NALF1: variants seen among roughly 807,000 people sequenced by gnomAD.
The protein encoded by NALF1 is family with sequence similarity 155 member A.
Under a neutral mutation model 48.4 loss-of-function variants are expected in NALF1, and 3 were observed. The observed-to-expected ratio is 0.06, with a 90% CI of 0.03 to 0.16. The LOEUF (loss-of-function observed/expected upper bound fraction) is 0.16. Among genes scored for constraint, NALF1 ranks in the 10% least tolerant of loss-of-function variants. The pLI, the probability that NALF1 is intolerant of heterozygous loss-of-function variation, is 1.00. For synonymous variants in NALF1, 262 were observed against 245.7 expected, an observed-to-expected ratio of 1.07 and a Z score of -0.62; for missense variants, 526 against 571.5, an observed-to-expected ratio of 0.92 and a Z score of 0.81.
At chr13:107,202,522 G>A (rs1879542676) in intron 2 of NALF1, among the ~76,000 whole-genome samples, 1 of 151,988 alleles carries the variant, frequency 6.6e-6, no homozygotes. Context: ...TTATTTGTGT[G>A]TGTGTGTATT....
intron 1 of NALF1, among the ~76,000 whole-genome samples, chr13:107,514,421 ATATCTATC>A (rs34590190): frequency 0.038 from 5,679 of 148,734 alleles, 277 homozygotes; most frequent in African/African-American, 0.11. Flanking sequence ...AGCTTCTCCT[ATATCTATC>A]TATCTATCTA....
At chr13:107,692,623 G>T (rs142513912) in intron 1 of NALF1, among the ~76,000 whole-genome samples, 29 of 152,188 alleles carry the variant, frequency 1.9e-4, no homozygotes, top group Admixed American at 1.7e-3. Context: ...TTCTTCTGGG[G>T]TCTCAATCAT....
chr13:107,586,893 G>C (rs188055107), intron 1 of NALF1, among the ~76,000 whole-genome samples: 16 of 152,020 alleles, frequency 1.1e-4, no homozygotes, highest in African/African-American at 3.9e-4. Context: ...ATAAGGAATA[G>C]ATTAGAAATA....
intron 1 of NALF1, among the ~76,000 whole-genome samples, chr13:107,300,246 C>A (rs945516788): frequency 9.2e-5 from 14 of 152,238 alleles, no homozygotes; most frequent in African/African-American, 3.4e-4. Context: ...CTGTTCTGAT[C>A]ATTATTCCAG....
intron 1 of NALF1, among the ~76,000 whole-genome samples, chr13:107,561,905 T>G (rs1877659788): frequency 6.6e-6 from 1 of 152,240 alleles, no homozygotes; most frequent in Non-Finnish European, 1.5e-5. Flanking sequence ...CTTGCATTAT[T>G]TATTAATGGA....
chr13:107,313,080 A>G (rs1882078485), intron 1 of NALF1, among the ~76,000 whole-genome samples: 1 of 152,142 alleles, frequency 6.6e-6, no homozygotes, highest in South Asian at 2.1e-4. Context: ...TTTTTAAAAA[A>G]CAGAATACTT....
In NALF1 at chr13:107,197,027, C is replaced by T. The variant is rs376025842; in HGVS notation, c.1087+13557G>A. 1.6e-4 allele frequency among the ~76,000 whole-genome samples: 25 copies of T among 152,204 alleles called. 1 individual carries two copies. In the South Asian group the frequency reaches 5.2e-3, roughly 32 times the overall value. On this transcript the variant is annotated intron_variant, in intron 2 of 2. Coordinates refer to ENST00000375915, the MANE Select transcript of NALF1 (RefSeq NM_001080396.3). ...GGCCTTTGGAAGGGACTTAAGATCA[C>T]ATAAGGTCATCAGAGTGGGGCCCGC...
intron 1 of NALF1, among the ~76,000 whole-genome samples, chr13:107,864,717 T>C (rs9559178): frequency 0.088 from 13,440 of 152,180 alleles, 774 homozygotes; most frequent in Admixed American, 0.22. Context: ...AGCTCTTGGG[T>C]AAATCTCATT....
chr13:107,355,231 C>G (rs1376820831), intron 1 of NALF1, among the ~76,000 whole-genome samples: 1 of 152,076 alleles, frequency 6.6e-6, no homozygotes, highest in Non-Finnish European at 1.5e-5. Flanking sequence ...AATTTGTCAT[C>G]TTAGGGAACA....
intron 1 of NALF1, among the ~76,000 whole-genome samples, chr13:107,421,122 G>A (rs2139008853): frequency 6.6e-6 from 1 of 152,198 alleles, no homozygotes; most frequent in East Asian, 1.9e-4. Context: ...TGACTTCGGG[G>A]CAAGGCACCC....
intron 2 of NALF1, among the ~76,000 whole-genome samples, chr13:107,183,376 C>G (rs117877961): frequency 6.6e-6 from 1 of 152,180 alleles, no homozygotes; most frequent in Non-Finnish European, 1.5e-5. Context: ...GAAATAGGAA[C>G]ACTTTTATAC....
chr13:107,835,618 A>T (rs1879866304), intron 1 of NALF1, among the ~76,000 whole-genome samples: 1 of 150,146 alleles, frequency 6.7e-6, no homozygotes, highest in African/African-American at 2.5e-5. Flanking sequence ...AGGGGCAGGC[A>T]CAAGACCCAC....
At chr13:107,791,993 A>G (rs749200679) in intron 1 of NALF1, among the ~76,000 whole-genome samples, 5 of 152,172 alleles carry the variant, frequency 3.3e-5, no homozygotes, top group Admixed American at 6.6e-5. Context: ...CAAATTTGCT[A>G]TGTTTTAAGT....
chr13:107,795,903 A>G (rs1878408122), intron 1 of NALF1, among the ~76,000 whole-genome samples: 1 of 152,190 alleles, frequency 6.6e-6, no homozygotes, highest in South Asian at 2.1e-4. Flanking sequence ...CTTGTTAAAC[A>G]TACATTTTTT....
intron 1 of NALF1, among the ~76,000 whole-genome samples, chr13:107,506,579 C>T (rs1403356014): frequency 4.1e-5 from 4 of 97,330 alleles, no homozygotes; most frequent in Non-Finnish European, 4.6e-5. Flanking sequence ...AAGGCAGCCA[C>T]TGTTGTGCAT....
chr13:107,757,514 A>G (rs1299190464), intron 1 of NALF1, among the ~76,000 whole-genome samples: 2 of 151,936 alleles, frequency 1.3e-5, no homozygotes, highest in East Asian at 3.9e-4. Context: ...CAACTATGAA[A>G]AAGTAAACAG....
intron 2 of NALF1, among the ~76,000 whole-genome samples, chr13:107,182,253 C>CGTGTGT (rs71204818): frequency 5.6e-5 from 8 of 143,758 alleles, no homozygotes; most frequent in African/African-American, 2.1e-4. Flanking sequence ...TGTGTGTGTC[C>CGTGTGT]GTGTGTGTGT....
At chr13:107,236,574 A>T (rs191010837) in intron 1 of NALF1, among the ~76,000 whole-genome samples, 35 of 152,298 alleles carry the variant, frequency 2.3e-4, no homozygotes, top group African/African-American at 7.9e-4. Flanking sequence ...TTAATGCTAG[A>T]CATCAAATTA....
At chr13:107,570,572 A>ATTTTAT (rs145257046) in intron 1 of NALF1, among the ~76,000 whole-genome samples, 3 of 146,502 alleles carry the variant, frequency 2.0e-5, no homozygotes, top group African/African-American at 7.4e-5. Flanking sequence ...TTATTTATTT[A>ATTTTAT]TTTATTTTAT....
Sources: allele counts gnomAD v4.1 joint callset (sites outside exome capture counted in the v4.1 genomes callset), GRCh38; gene constraint gnomAD v4.1.1; transcripts MANE v1.5; gene names NCBI Gene and HGNC (gene_info 2026-07-23, HGNC 2026-07-21).